Variants in RANBP2 observed in about 807,000 individuals in gnomAD.
The protein encoded by RANBP2 is RAN binding protein 2.
A neutral mutation model predicts 303.6 loss-of-function variants in RANBP2; 57 were observed. The ratio of observed to expected loss-of-function variants is 0.19; its 90% CI spans 0.15 to 0.23. The LOEUF (loss-of-function observed/expected upper bound fraction) is 0.23, where lower values mean the gene tolerates loss of function less well. Ranked by LOEUF, RANBP2 falls within the 10% of genes least tolerant of loss-of-function variation. RANBP2 has a pLI of 1.00. For missense variants in RANBP2, 3,138 were observed against 3,780.8 expected (o/e 0.83, Z 4.46); for synonymous variants, 1,167 against 1,301.5 (o/e 0.90, Z 2.23).
the RANBP2 span, among the ~76,000 whole-genome samples, chr2:108,997,715 T>A: frequency 5.9e-5 from 9 of 151,352 alleles, no homozygotes; most frequent in African/African-American, 2.2e-4. Flanking sequence ...GATGGTGAAG[T>A]CCCGTCTCTA....
At chr2:109,299,978 A>G in the RANBP2 span, among the ~76,000 whole-genome samples, 5 of 152,164 alleles carry the variant, frequency 3.3e-5, no homozygotes, top group Non-Finnish European at 7.4e-5. Flanking sequence ...TGTTCTATTT[A>G]TTTATTTCGC....
chr2:109,162,043 C>G, the RANBP2 span, among the ~76,000 whole-genome samples: 5 of 152,252 alleles, frequency 3.3e-5, no homozygotes, highest in South Asian at 8.3e-4. Context: ...GATGTGTCCT[C>G]AGGATCTAGA....
At chr2:109,601,513 G>C in the RANBP2 span, among the ~76,000 whole-genome samples, 1 of 151,982 alleles carries the variant, frequency 6.6e-6, no homozygotes, top group South Asian at 2.1e-4. Context: ...CAGCTTACTG[G>C]CCATTTCTCC....
At chr2:108,821,551 A>G in the RANBP2 span, among the ~76,000 whole-genome samples, 1 of 152,234 alleles carries the variant, frequency 6.6e-6, no homozygotes, top group Non-Finnish European at 1.5e-5. Context: ...TAAGTGTGTA[A>G]CACACACAAA....
At chr2:109,035,764 G>A in the RANBP2 span, among the ~76,000 whole-genome samples, 3 of 152,188 alleles carry the variant, frequency 2.0e-5, no homozygotes, top group Admixed American at 6.5e-5. Flanking sequence ...GTGAGCACTC[G>A]AGCTGGGAGC....
At chr2:109,570,927 TG>T in the RANBP2 span, among the ~76,000 whole-genome samples, 1 of 152,234 alleles carries the variant, frequency 6.6e-6, no homozygotes, top group East Asian at 1.9e-4. Flanking sequence ...CGACATGGTT[TG>T]GATTTGTGTC....
the RANBP2 span, among the ~76,000 whole-genome samples, chr2:109,337,772 A>G: frequency 6.6e-6 from 1 of 151,614 alleles, no homozygotes. Context: ...CTGTCACCCA[A>G]ACTGGACTGC....
At chr2:109,449,101 G>GAT in the RANBP2 span, 3 of 1,514,426 alleles carry the variant, frequency 2.0e-6, no homozygotes, top group Admixed American at 1.9e-5. Flanking sequence ...GTGCATTGCA[G>GAT]CTGCCTGGCA....
the RANBP2 span, among the ~76,000 whole-genome samples, chr2:109,714,171 C>G: frequency 7.2e-5 from 11 of 152,284 alleles, no homozygotes; most frequent in African/African-American, 2.4e-4. Flanking sequence ...ACCTCTACCT[C>G]TGGGGCTCAA....
At chr2:109,430,020 T>TACCA in the RANBP2 span, among the ~76,000 whole-genome samples, 1 of 152,276 alleles carries the variant, frequency 6.6e-6, no homozygotes, top group African/African-American at 2.4e-5. Context: ...GCACCTTGCC[T>TACCA]ACCAGCCCAG....
the RANBP2 span, among the ~76,000 whole-genome samples, chr2:108,939,650 T>G: frequency 9.2e-5 from 14 of 152,320 alleles, no homozygotes; most frequent in African/African-American, 3.4e-4. Context: ...GTAAGGCCAT[T>G]GCTATACCCT....
At chr2:109,150,943 T>C in the RANBP2 span, among the ~76,000 whole-genome samples, 1 of 152,224 alleles carries the variant, frequency 6.6e-6, no homozygotes. Flanking sequence ...AAGCTAGTTA[T>C]TTCAAGGTGC....
chr2:109,167,576 T>G, the RANBP2 span, among the ~76,000 whole-genome samples: 1 of 152,160 alleles, frequency 6.6e-6, no homozygotes, highest in Non-Finnish European at 1.5e-5. Flanking sequence ...ATTTATTTAT[T>G]TAGTTGTTTA....
the RANBP2 span, among the ~76,000 whole-genome samples, chr2:109,402,079 G>A: frequency 6.6e-6 from 1 of 152,234 alleles, no homozygotes; most frequent in African/African-American, 2.4e-5. Flanking sequence ...GACAGAAGGG[G>A]CACCTGGTGC....
chr2:108,908,579 C>A, the RANBP2 span, among the ~76,000 whole-genome samples: 5 of 152,070 alleles, frequency 3.3e-5, no homozygotes, highest in Non-Finnish European at 7.4e-5. Flanking sequence ...ACAGCAAGCC[C>A]CAGCGGGTGA....
the RANBP2 span, among the ~76,000 whole-genome samples, chr2:109,631,723 TC>T: frequency 1.1e-4 from 17 of 151,758 alleles, no homozygotes; most frequent in Non-Finnish European, 1.0e-4. Flanking sequence ...GCCATTGCAC[TC>T]CAGCCTGGGT....
At chr2:109,672,881 A>G in the RANBP2 span, among the ~76,000 whole-genome samples, 1 of 152,234 alleles carries the variant, frequency 6.6e-6, no homozygotes, top group African/African-American at 2.4e-5. Context: ...TTCTCAATAC[A>G]TTGCCTCAAT....
At chr2:109,205,273 T>G in the RANBP2 span, among the ~76,000 whole-genome samples, 20 of 151,744 alleles carry the variant, frequency 1.3e-4, no homozygotes, top group African/African-American at 4.8e-4. Context: ...TTTTTTTTTT[T>G]TTTTTTAAAC....
chr2:109,130,023 G>A, the RANBP2 span: 8 of 1,324,668 alleles, frequency 6.0e-6, 1 homozygote, highest in East Asian at 3.1e-5. Context: ...GCAGCACCCC[G>A]GGTTCCCCGG....
Sources: allele counts gnomAD v4.1 joint callset (sites outside exome capture counted in the v4.1 genomes callset), GRCh38; gene constraint gnomAD v4.1.1; transcripts MANE v1.5; gene names NCBI Gene and HGNC (gene_info 2026-07-23, HGNC 2026-07-21).